The following FBXO31 variants were observed in gnomAD, a reference collection of about 807,000 sequenced individuals.
FBXO31 encodes the protein F-box protein 31.
In FBXO31, 24 loss-of-function variants were observed where a neutral mutation model predicts 54.4. The ratio of observed to expected loss-of-function variants is 0.44; its 90% confidence interval spans 0.32 to 0.62. The LOEUF is 0.62. Ranked by LOEUF, FBXO31 falls within the 20% of genes least tolerant of loss-of-function variation. FBXO31 has a pLI of 0.05. For synonymous variants in FBXO31, 388 were observed against 335.6 expected, an observed-to-expected ratio of 1.16 and a Z score of -1.71; for missense variants, 665 against 787.1, an observed-to-expected ratio of 0.84 and a Z score of 1.86.
chr16:87,368,459 A>G (rs1261683193), intron 1 of FBXO31, among the ~76,000 whole-genome samples: 1 of 152,154 alleles, frequency 6.6e-6, no homozygotes, highest in Non-Finnish European at 1.5e-5. Context: ...CCTTCCTTCC[A>G]GAAAGACTGG....
chr16:87,355,736 C>A (rs924319874), intron 2 of FBXO31, among the ~76,000 whole-genome samples: 2 of 152,134 alleles, frequency 1.3e-5, no homozygotes, highest in Non-Finnish European at 2.9e-5. Flanking sequence ...CCTGGATGCT[C>A]GAGAGGCCAG....
At position 87,346,608 on chromosome 16, in the gene FBXO31, G is replaced by A. The variant is rs951395042; in HGVS notation, c.489+566C>T. 6.6e-6 allele frequency among the ~76,000 whole-genome samples: 1 copy of A among 152,168 alleles called. No individual in the cohort carries two copies. The highest frequency in any genetic ancestry group is 2.4e-5 in the African/African-American group (1 of 41,424). ...CTGCCGGGAGAAGGGAAACGGAGAC[G>A]ACTCTGCCACCAGCCTGGACTTCCG... On this transcript the variant is annotated intron_variant, in intron 3 of 8. Coordinates refer to ENST00000311635, the MANE Select transcript of FBXO31 (RefSeq NM_024735.5). This position sits in a 1 kb window ranked among gnomAD's most constrained non-coding sequence, Gnocchi z 4.2.
chr16:87,354,705 C>T lies in FBXO31; in HGVS notation c.412+5590G>A, dbSNP rs186192589. 5.4e-3 allele frequency among the ~76,000 whole-genome samples: 827 copies of T among 152,324 alleles called. 6 individuals are homozygous for T. Among genetic ancestry groups the T allele is most frequent in the African/African-American group, 0.018 (736 of 41,564 alleles). On this transcript the variant is annotated intron_variant, in intron 2 of 8. Coordinates refer to ENST00000311635, the MANE Select transcript of FBXO31 (RefSeq NM_024735.5). ...TCCACAGGCCGGGCACACTGGCTCA[C>T]ACCTGTAATCCCAGCACTTTGGGTG...
At position 87,335,679 on chromosome 16, in the gene FBXO31, A is replaced by AG. The variant is rs1257317899; in HGVS notation, c.843-223dup. Among the ~76,000 whole-genome samples, 9 of 152,142 alleles carry AG rather than the reference A, an allele frequency of 5.9e-5. No individual in the cohort carries two copies. Among genetic ancestry groups the AG allele is most frequent in the Non-Finnish European group, 1.2e-4 (8 of 68,022 alleles). ...GCTTCCAACAGGACTTCTGGGGTTAAGGGGGGCATCAGCGCCAGGGCAGAG... is the reference window on the plus strand; with the variant it reads ...GCTTCCAACAGGACTTCTGGGGTTAAGGGGGGGCATCAGCGCCAGGGCAGAG... On this transcript the variant is annotated intron_variant, in intron 6 of 8. Coordinates refer to ENST00000311635, the MANE Select transcript of FBXO31 (RefSeq NM_024735.5). The surrounding 1 kb of genome is among the most constrained non-coding windows in gnomAD (Gnocchi z 5.7).
intron 2 of FBXO31, among the ~76,000 whole-genome samples, chr16:87,353,290 G>A (rs1229597837): frequency 6.6e-6 from 1 of 152,138 alleles, no homozygotes; most frequent in African/African-American, 2.4e-5. Flanking sequence ...GGCCTGCCTA[G>A]GTGGTCCAGG....
chr16:87,362,221 A>T (rs1258704786), intron 1 of FBXO31, among the ~76,000 whole-genome samples: 1 of 152,220 alleles, frequency 6.6e-6, no homozygotes, highest in Non-Finnish European at 1.5e-5. Flanking sequence ...GGGTACAATT[A>T]AACAGGTAAA....
intron 1 of FBXO31, chr16:87,367,459 G>A (rs1014460036): frequency 6.6e-6 from 1 of 152,214 alleles, no homozygotes; most frequent in Admixed American, 6.5e-5. Flanking sequence ...GTGCCCTGAT[G>A]ATCAGGTGGC....
chr16:87,335,252 A>C lies in FBXO31; in HGVS notation c.996+52T>G. ...CCCAAGTTCCCTGACTCCACAGCCC[A>C]CTTGGGCCAGGTGCCCCCAGAGCCC... On this transcript the variant is annotated intron_variant, in intron 7 of 8. Transcript: ENST00000311635. The surrounding 1 kb of genome is among the most constrained non-coding windows in gnomAD (Gnocchi z 5.7). 6.2e-7 allele frequency: 1 copy of C among 1,606,770 alleles called. No individual in the cohort carries two copies. The highest frequency in any genetic ancestry group is 8.5e-7 in the Non-Finnish European group (1 of 1,179,596).
Position 87,331,501 on chromosome 16 carries a change from G to T in FBXO31, c.1407C>A (p.Gly469=), listed in dbSNP as rs990648920. 1 of 1,603,466 alleles carries T rather than the reference G, an allele frequency of 6.2e-7. No individual in the cohort carries two copies. Residue 469 remains glycine (G), a synonymous_variant, in exon 9 of 9, where the codon GGC becomes GGA. Transcript: ENST00000311635. ...AGCCGTGGCCCGCGATGAGGCCTGTGCCATAAAAACTGAGCAGAAACAAGA... is the reference window on the plus strand; with the variant it reads ...AGCCGTGGCCCGCGATGAGGCCTGTTCCATAAAAACTGAGCAGAAACAAGA... ...YPRTCRMCFY[G]TGLIAGHGFT...
Position 87,335,796 on chromosome 16 carries a change from C to T in FBXO31, c.843-339G>A, listed in dbSNP as rs190392457. On this transcript the variant is annotated intron_variant, in intron 6 of 8. Coordinates refer to ENST00000311635, the MANE Select transcript of FBXO31 (RefSeq NM_024735.5). This position sits in a 1 kb window ranked among gnomAD's most constrained non-coding sequence, Gnocchi z 5.7. ...CCATGGAGGGGATCCCCGCACTGGG[C>T]TGAGCGGGGCTGAGCTCTAGAGTGC... 1.8e-3 allele frequency among the ~76,000 whole-genome samples: 274 copies of T among 152,278 alleles called. No homozygotes were observed. Among genetic ancestry groups the T allele is most frequent in the Non-Finnish European group, 2.5e-3 (172 of 68,000 alleles).
intron 1 of FBXO31, among the ~76,000 whole-genome samples, chr16:87,362,215 A>G (rs1197531461): frequency 6.6e-6 from 1 of 152,162 alleles, no homozygotes; most frequent in Non-Finnish European, 1.5e-5. Context: ...CAAAAAGGGT[A>G]CAATTAAACA....
At chr16:87,386,576 G>T (rs8054103), upstream of FBXO31, among the ~76,000 whole-genome samples, 3 of 152,046 alleles carry the variant, frequency 2.0e-5, no homozygotes, top group African/African-American at 7.2e-5. Context: ...TGGGATTACA[G>T]GCGAGTGCCA....
At chr16:87,367,511 A>C (rs1238995416) in intron 1 of FBXO31, 1 of 152,088 alleles carries the variant, frequency 6.6e-6, no homozygotes, top group Non-Finnish European at 1.5e-5. Flanking sequence ...ATTTCCTCTG[A>C]CTCTCCATAA....
rs746354896 is a variant in FBXO31 at position 87,331,626 on chromosome 16, A to G, written c.1398-116T>C. On this transcript the variant is annotated intron_variant, in intron 8 of 8. Transcript: ENST00000311635. The stretch of plus-strand genomic sequence containing the variant: ...GCAAGAGCCACATCCACTGTTCATC[A>G]GCCAGAAGCTGACTCCCAGAGCCAG... 21 of 875,998 alleles carry G rather than the reference A, an allele frequency of 2.4e-5. No homozygotes were observed. In the African/African-American group the frequency reaches 2.9e-4, roughly 12 times the overall value. 54.3% of individuals were successfully genotyped at this position (875,998 alleles called of 1,614,324 possible).
chr16:87,373,134 G>C (rs1173113044), intron 1 of FBXO31, among the ~76,000 whole-genome samples: 1 of 151,526 alleles, frequency 6.6e-6, no homozygotes, highest in East Asian at 2.0e-4. Flanking sequence ...TGAGATAACA[G>C]ATGTGATCCA....
upstream of FBXO31, among the ~76,000 whole-genome samples, chr16:87,386,595 G>A (rs1907335405): frequency 6.6e-6 from 1 of 152,058 alleles, no homozygotes; most frequent in Non-Finnish European, 1.5e-5. Flanking sequence ...CACCACACTT[G>A]GCTAATTTTT....
At chr16:87,343,849 G>T (rs2303764) in intron 3 of FBXO31, 84 bp from the exon 4 acceptor site, 57 of 1,468,200 alleles carry the variant, frequency 3.9e-5, no homozygotes, top group Non-Finnish European at 4.4e-5. Context: ...GCACTGCAAT[G>T]GCACAGAGAA....
Position 87,383,375 on chromosome 16 carries a change from C to CCA in FBXO31, c.340+29_340+30insTG. ...TCCACCTGGCAGGGACCCCCCGCCC[C>CCA]TCCCGGCCCCGCCACCCCCGCGCGC... is the stretch of plus-strand genomic sequence containing the variant. On this transcript the variant is annotated intron_variant, in intron 1 of 8. Transcript: ENST00000311635. This position sits in a 1 kb window ranked among gnomAD's most constrained non-coding sequence, Gnocchi z 4.9. 2.7e-6 allele frequency: 4 copies of CCA among 1,498,376 alleles called. No homozygotes were observed. The highest frequency in any genetic ancestry group is 2.9e-5 in the African/African-American group (2 of 68,726). 92.8% of individuals were successfully genotyped at this position (1,498,376 alleles called of 1,614,324 possible). A position where few individuals can be genotyped will look rare whatever the true frequency, so the allele number is the denominator to read the frequency against.
chr16:87,341,324 TC>T (rs1168445228), intron 5 of FBXO31, among the ~76,000 whole-genome samples: 1 of 152,136 alleles, frequency 6.6e-6, no homozygotes. Flanking sequence ...CTGAGGAGTT[TC>T]TATTCTTGAA....
Sources: gnomAD v4.1 joint callset for allele counts (sites outside exome capture counted in the v4.1 genomes callset) on GRCh38, gnomAD v4.1.1 for gene constraint, Gnocchi (gnomAD v3.1) non-coding constraint, MANE v1.5 for transcripts, NCBI Gene and HGNC (gene_info 2026-07-23, HGNC 2026-07-21) for gene names.